The following FOXP2 variants were observed in gnomAD, a reference collection of about 807,000 sequenced individuals.
FOXP2 encodes forkhead box P2.
A neutral mutation model predicts 115.8 loss-of-function variants in FOXP2; 12 were observed. That is an observed-to-expected ratio of 0.10 (90% CI 0.07 to 0.17). FOXP2 has a LOEUF of 0.17. Among genes scored for constraint, FOXP2 ranks in the 10% least tolerant of loss-of-function variants. The pLI is 1.00. For missense variants in FOXP2, 629 were observed against 843.5 expected, an observed-to-expected ratio of 0.75 and a Z score of 3.15; for synonymous variants, 328 against 297.7, an observed-to-expected ratio of 1.10 and a Z score of -1.05.
At chr7:114,242,997 G>A (rs1278979576) in intron 1 of FOXP2, among the ~76,000 whole-genome samples, 1 of 152,124 alleles carries the variant, frequency 6.6e-6, no homozygotes, top group Non-Finnish European at 1.5e-5. Flanking sequence ...GTGTTATTCA[G>A]ATTCAGATTC....
chr7:114,194,919 C>A (rs1453192114), intron 1 of FOXP2, among the ~76,000 whole-genome samples: 1 of 152,024 alleles, frequency 6.6e-6, no homozygotes, highest in Non-Finnish European at 1.5e-5. Flanking sequence ...TATTCTTTTG[C>A]AAAATTGCTT....
chr7:114,668,899 A>G (rs1310572141), intron 16 of FOXP2: 1 of 152,140 alleles, frequency 6.6e-6, no homozygotes, highest in Non-Finnish European at 1.5e-5. Flanking sequence ...TCATACTTAC[A>G]GGAGTATAAA....
At chr7:114,167,096 A>G (rs1211440792) in intron 1 of FOXP2, among the ~76,000 whole-genome samples, 2 of 152,240 alleles carry the variant, frequency 1.3e-5, no homozygotes, top group African/African-American at 4.8e-5. Context: ...ACTCCAAATT[A>G]GCTGAAAACG....
upstream of FOXP2, among the ~76,000 whole-genome samples, chr7:114,086,942 G>T (rs1799433096): frequency 6.6e-6 from 1 of 152,216 alleles, no homozygotes; most frequent in African/African-American, 2.4e-5. Context: ...GCAAAATGTT[G>T]CTTCGTCCGG....
At chr7:114,670,330 A>G (rs946062666) in intron 16 of FOXP2, among the ~76,000 whole-genome samples, 2 of 152,114 alleles carry the variant, frequency 1.3e-5, no homozygotes, top group Non-Finnish European at 2.9e-5. Context: ...CTGAGGTGTC[A>G]TATAAAATGA....
At chr7:114,573,436 C>T (rs895498739) in intron 3 of FOXP2, among the ~76,000 whole-genome samples, 5 of 151,488 alleles carry the variant, frequency 3.3e-5, no homozygotes, top group African/African-American at 1.2e-4. Context: ...TCTGGAACAC[C>T]GTAAGAGTAC....
Position 114,662,062 on chromosome 7 carries a change from T to C in FOXP2, c.1648-3T>C. ...ATTTTTTCTTCTCTTCTGTCTGCTT[T>C]AGAATGCAGTACGTCATAATCTTAG... On this transcript the variant is annotated splice_polypyrimidine_tract_variant and splice_region_variant and intron_variant, in intron 13 of 16. Coordinates refer to ENST00000350908, the MANE Select transcript of FOXP2 (RefSeq NM_014491.4). 2 of 1,612,584 alleles carry C rather than the reference T, an allele frequency of 1.2e-6. No individual in the cohort carries two copies. Among genetic ancestry groups the C allele is most frequent in the Non-Finnish European group, 1.7e-6 (2 of 1,178,910 alleles).
chr7:114,664,195 T>G (rs890246183), intron 15 of FOXP2, 78 bp from the exon 16 acceptor site: 10 of 1,471,358 alleles, frequency 6.8e-6, no homozygotes, highest in Non-Finnish European at 9.3e-6. Context: ...TTGGAACCCA[T>G]TAAAAGAAGA....
intron 2 of FOXP2, among the ~76,000 whole-genome samples, chr7:114,479,234 T>G (rs989172011): frequency 6.6e-6 from 1 of 151,828 alleles, no homozygotes; most frequent in East Asian, 1.9e-4. Context: ...TTAATTGGAG[T>G]GCAGGCTTTT....
intron 13 of FOXP2, among the ~76,000 whole-genome samples, chr7:114,660,793 G>A (rs1300275061): frequency 6.6e-6 from 1 of 152,084 alleles, no homozygotes; most frequent in African/African-American, 2.4e-5. Flanking sequence ...AGATAATGTA[G>A]TGAATGTTCT....
chr7:114,253,123 G>T (rs1306272867), intron 1 of FOXP2, among the ~76,000 whole-genome samples: 1 of 152,136 alleles, frequency 6.6e-6, no homozygotes, highest in African/African-American at 2.4e-5. Flanking sequence ...TCTTAATCCT[G>T]AGTTCTAGTT....
chr7:114,260,409 G>T (rs975571775), intron 1 of FOXP2, among the ~76,000 whole-genome samples: 7 of 151,780 alleles, frequency 4.6e-5, no homozygotes, highest in African/African-American at 1.7e-4. Flanking sequence ...ACCGTCTGCC[G>T]CCATTATTGA....
At chr7:114,293,155 T>C (rs1796651056) in intron 2 of FOXP2, among the ~76,000 whole-genome samples, 1 of 152,200 alleles carries the variant, frequency 6.6e-6, no homozygotes, top group South Asian at 2.1e-4. Context: ...TTACCAGGGT[T>C]GGCCTATGTC....
intron 16 of FOXP2, among the ~76,000 whole-genome samples, chr7:114,675,987 G>T (rs1205349906): frequency 6.6e-6 from 1 of 151,158 alleles, no homozygotes; most frequent in African/African-American, 2.4e-5. Context: ...TCAGCTCACT[G>T]CAAGCTCCGC....
At chr7:114,671,584 A>C (rs1257513339) in intron 16 of FOXP2, among the ~76,000 whole-genome samples, 1 of 152,234 alleles carries the variant, frequency 6.6e-6, no homozygotes, top group Non-Finnish European at 1.5e-5. Flanking sequence ...TTGAGCCTTA[A>C]AAATTTCCTT....
intron 2 of FOXP2, among the ~76,000 whole-genome samples, chr7:114,353,705 A>G (rs897761760): frequency 6.6e-6 from 1 of 151,996 alleles, no homozygotes; most frequent in Non-Finnish European, 1.5e-5. Context: ...AGAGCATTTA[A>G]CTGGATGTCT....
chr7:114,655,475 T>C (rs996133211), intron 10 of FOXP2, among the ~76,000 whole-genome samples: 2 of 152,104 alleles, frequency 1.3e-5, no homozygotes, highest in African/African-American at 2.4e-5. Flanking sequence ...GAATCTTAGA[T>C]GAGCGATTTA....
chr7:114,286,238 A>T (rs1236794295), intron 1 of FOXP2, among the ~76,000 whole-genome samples: 3 of 151,772 alleles, frequency 2.0e-5, no homozygotes, highest in Non-Finnish European at 1.5e-5. Context: ...GTATATATGA[A>T]CTCTATGTGC....
chr7:114,115,142 G>A (rs945854432), intron 1 of FOXP2, among the ~76,000 whole-genome samples: 3 of 152,070 alleles, frequency 2.0e-5, no homozygotes, highest in Non-Finnish European at 4.4e-5. Flanking sequence ...TTTGCCTGCT[G>A]ATGTAGTCTT....
Sources: allele counts gnomAD v4.1 joint callset (sites outside exome capture counted in the v4.1 genomes callset), GRCh38; gene constraint gnomAD v4.1.1; transcripts MANE v1.5; gene names NCBI Gene and HGNC (gene_info 2026-07-23, HGNC 2026-07-21).